OPCML: variants seen among roughly 807,000 people sequenced by gnomAD.
OPCML encodes opioid binding protein/cell adhesion molecule like.
OPCML carries 13 observed loss-of-function variants against 37.8 expected under a neutral mutation model. That is an observed-to-expected ratio of 0.34 (90% CI 0.22 to 0.55). The LOEUF (loss-of-function observed/expected upper bound fraction) is 0.55, where lower values mean the gene tolerates loss of function less well. Ranked by LOEUF, OPCML falls within the 20% of genes least tolerant of loss-of-function variation. OPCML has a pLI of 0.91. For missense variants in OPCML, 341 were observed against 435.6 expected (o/e 0.78, Z 1.93); for synonymous variants, 176 against 168.8 (o/e 1.04, Z -0.33).
intron 2 of OPCML, among the ~76,000 whole-genome samples, chr11:132,754,515 CT>C (rs987945809): frequency 2.6e-4 from 39 of 151,486 alleles, no homozygotes; most frequent in East Asian, 7.8e-4. Context: ...AATTAAACAT[CT>C]TTTTTTTTAA....
intron 1 of OPCML, among the ~76,000 whole-genome samples, chr11:133,093,082 G>A (rs1171481595): frequency 2.0e-5 from 3 of 151,862 alleles, no homozygotes; most frequent in Non-Finnish European, 2.9e-5. Context: ...ATTAATTTTT[G>A]TATTTCAATA....
intron 4 of OPCML, 115 bp downstream of exon 4, chr11:132,528,946 T>G (rs1235953453): frequency 3.2e-6 from 2 of 634,880 alleles, no homozygotes; most frequent in Non-Finnish European, 5.5e-6. Flanking sequence ...ATTGCCTGTT[T>G]GATTTTCTAT....
At chr11:132,997,668 T>G in intron 1 of OPCML, among the ~76,000 whole-genome samples, 1 of 152,078 alleles carries the variant, frequency 6.6e-6, no homozygotes, top group Non-Finnish European at 1.5e-5. Flanking sequence ...CCATGGACTC[T>G]CAAGAGAAGA....
intron 3 of OPCML, among the ~76,000 whole-genome samples, chr11:132,579,385 ATGTGTGTGTGTGTG>A (rs66467384): frequency 1.4e-5 from 2 of 146,528 alleles, no homozygotes; most frequent in Non-Finnish European, 3.0e-5. Context: ...TAGAATGAAT[ATGTGTGTGTGTGTG>A]TGTGTGTGTG....
chr11:133,467,698 C>T (rs1174317914), intron 1 of OPCML, among the ~76,000 whole-genome samples: 1 of 152,114 alleles, frequency 6.6e-6, no homozygotes, highest in African/African-American at 2.4e-5. Flanking sequence ...CCCATATGTC[C>T]TGAATGGCAG....
intron 1 of OPCML, among the ~76,000 whole-genome samples, chr11:133,269,841 G>T (rs1385126474): frequency 6.6e-6 from 1 of 152,108 alleles, no homozygotes; most frequent in Non-Finnish European, 1.5e-5. Flanking sequence ...ATTGTGCAAA[G>T]GTTTGGGCTA....
intron 4 of OPCML, among the ~76,000 whole-genome samples, chr11:132,477,292 C>A (rs1309114835): frequency 6.6e-6 from 1 of 152,182 alleles, no homozygotes; most frequent in Admixed American, 6.5e-5. Context: ...CTGTGCTGCA[C>A]CAGGTAGTTC....
intron 1 of OPCML, among the ~76,000 whole-genome samples, chr11:133,457,295 G>A (rs1486534167): frequency 6.6e-6 from 1 of 152,188 alleles, no homozygotes; most frequent in Non-Finnish European, 1.5e-5. Flanking sequence ...CACTTTGGGA[G>A]CCCAAGGCAG....
intron 1 of OPCML, among the ~76,000 whole-genome samples, chr11:133,368,848 G>A (rs534986455): frequency 4.6e-5 from 7 of 152,232 alleles, no homozygotes; most frequent in South Asian, 2.1e-4. Context: ...GTATTCAGCC[G>A]GGTGCAGTAA....
At chr11:132,505,632 C>A (rs947750713) in intron 4 of OPCML, among the ~76,000 whole-genome samples, 2 of 152,162 alleles carry the variant, frequency 1.3e-5, no homozygotes, top group African/African-American at 4.8e-5. Context: ...AAAACAGCAA[C>A]AAAATTTAAA....
rs139831949 is a variant in OPCML, at chr11:132,453,874, C to T, written c.506-16515G>A. 1.2e-3 allele frequency among the ~76,000 whole-genome samples: 186 copies of T among 152,248 alleles called. 1 individual carries two copies. The highest frequency in any genetic ancestry group is 4.1e-3 in the African/African-American group (172 of 41,562). On this transcript the variant is annotated intron_variant, in intron 4 of 7. Coordinates refer to ENST00000524381, the MANE Select transcript of OPCML (RefSeq NM_001012393.5). The stretch of plus-strand genomic sequence containing the variant: ...TGGAATTCACACTGCAGGTTATTTC[C>T]TTACTGGTACTACTTTTCTGAGGAA...
chr11:132,571,582 T>A (rs1304064761), intron 3 of OPCML, among the ~76,000 whole-genome samples: 1 of 152,146 alleles, frequency 6.6e-6, no homozygotes, highest in East Asian at 1.9e-4. Flanking sequence ...GGTCCATCCA[T>A]CCTGTCACAT....
At chr11:132,906,690 T>C (rs183450954) in intron 2 of OPCML, among the ~76,000 whole-genome samples, 136 of 152,284 alleles carry the variant, frequency 8.9e-4, no homozygotes, top group African/African-American at 3.0e-3. Context: ...GTACTGCCCT[T>C]GTTACGGGGC....
At chr11:132,913,948 G>A (rs866496073) in intron 2 of OPCML, among the ~76,000 whole-genome samples, 2 of 152,084 alleles carry the variant, frequency 1.3e-5, no homozygotes, top group African/African-American at 2.4e-5. Context: ...CTCATTTTCC[G>A]GTGTTTTCTG....
chr11:132,548,904 A>G (rs2096374995), intron 3 of OPCML, among the ~76,000 whole-genome samples: 1 of 152,216 alleles, frequency 6.6e-6, no homozygotes, highest in Non-Finnish European at 1.5e-5. Flanking sequence ...ATATATGTAA[A>G]TTGTATACAA....
chr11:132,430,028 C>G (rs1408727302), intron 7 of OPCML, among the ~76,000 whole-genome samples: 1 of 152,084 alleles, frequency 6.6e-6, no homozygotes, highest in Non-Finnish European at 1.5e-5. Flanking sequence ...GGCTCTGGCA[C>G]TGAGACGAGG....
At chr11:132,648,220 A>C (rs772894424) in intron 3 of OPCML, among the ~76,000 whole-genome samples, 1 of 152,206 alleles carries the variant, frequency 6.6e-6, no homozygotes, top group Non-Finnish European at 1.5e-5. Flanking sequence ...ACATTAATCT[A>C]TCAGGAGAGT....
intron 2 of OPCML, among the ~76,000 whole-genome samples, chr11:132,692,357 A>G (rs953106937): frequency 6.6e-6 from 1 of 152,194 alleles, no homozygotes; most frequent in African/African-American, 2.4e-5. Context: ...ACTCGTTGCC[A>G]TGCAGCTCAT....
chr11:133,021,385 G>A (rs917161950), intron 1 of OPCML, among the ~76,000 whole-genome samples: 6 of 152,056 alleles, frequency 3.9e-5, no homozygotes, highest in African/African-American at 7.2e-5. Context: ...CCCAGGGTAC[G>A]CTTCTATTCA....
Sources: allele counts gnomAD v4.1 joint callset (sites outside exome capture counted in the v4.1 genomes callset), GRCh38; gene constraint gnomAD v4.1.1; transcripts MANE v1.5; gene names NCBI Gene and HGNC (gene_info 2026-07-23, HGNC 2026-07-21).